The following ERC2 variants were observed in gnomAD, a reference collection of about 807,000 sequenced individuals.
The protein encoded by ERC2 is ERC protein 2.
A neutral mutation model predicts 114.8 loss-of-function variants in ERC2; 42 were observed. The observed-to-expected ratio is 0.37, with a 90% CI of 0.29 to 0.47. The LOEUF is 0.47. Ranked by LOEUF, ERC2 falls within the 20% of genes least tolerant of loss-of-function variation. The probability of loss-of-function intolerance (pLI) is 0.99; values close to 1 mark genes in which losing one functional copy is unlikely to be tolerated. For missense variants in ERC2, 939 were observed against 1,150.7 expected, an observed-to-expected ratio of 0.82 and a Z score of 2.66; for synonymous variants, 454 against 425.5, an observed-to-expected ratio of 1.07 and a Z score of -0.82.
chr3:55,995,195 T>C (rs1005538694), intron 10 of ERC2, among the ~76,000 whole-genome samples: 1 of 152,116 alleles, frequency 6.6e-6, no homozygotes, highest in African/African-American at 2.4e-5. Flanking sequence ...TAACTGGGCA[T>C]TGAGGCACAC....
chr3:56,099,352 T>C (rs984308640), intron 6 of ERC2, among the ~76,000 whole-genome samples: 4 of 152,244 alleles, frequency 2.6e-5, no homozygotes, highest in Non-Finnish European at 2.9e-5. Flanking sequence ...AGAAAACTTA[T>C]ACAGTATCCC....
intron 1 of ERC2, among the ~76,000 whole-genome samples, chr3:56,437,141 C>G (rs2062058573): frequency 6.6e-6 from 1 of 152,190 alleles, no homozygotes. Flanking sequence ...ACGCCTTAAG[C>G]AACACATGTG....
intron 3 of ERC2, among the ~76,000 whole-genome samples, chr3:56,193,750 C>T (rs1227860193): frequency 1.3e-5 from 2 of 151,960 alleles, no homozygotes; most frequent in South Asian, 2.1e-4. Flanking sequence ...AACCTGAGGC[C>T]CAGAGAGGTT....
chr3:56,418,159 A>C (rs1473722010), intron 2 of ERC2, among the ~76,000 whole-genome samples: 2 of 152,014 alleles, frequency 1.3e-5, no homozygotes, highest in African/African-American at 2.4e-5. Context: ...TTAGGTGAGC[A>C]TGTTGGTACA....
chr3:55,800,768 A>G (rs1175580322), intron 14 of ERC2, among the ~76,000 whole-genome samples: 2 of 152,144 alleles, frequency 1.3e-5, no homozygotes, highest in Non-Finnish European at 2.9e-5. Context: ...TACAAATGGC[A>G]GCAGAGAGCT....
At chr3:55,576,834 G>T (rs753445314) in intron 17 of ERC2, among the ~76,000 whole-genome samples, 114 of 152,234 alleles carry the variant, frequency 7.5e-4, no homozygotes, top group African/African-American at 2.7e-3. Context: ...CAGTCACACC[G>T]CATCGTGCGA....
chr3:55,836,800 G>C (rs1436553702), intron 14 of ERC2, among the ~76,000 whole-genome samples: 49 of 152,178 alleles, frequency 3.2e-4, no homozygotes, highest in Admixed American at 6.6e-4. Context: ...AAGAAACTAC[G>C]ATGAGAGTGA....
intron 15 of ERC2, among the ~76,000 whole-genome samples, chr3:55,699,893 T>C (rs1186791739): frequency 6.6e-6 from 1 of 152,154 alleles, no homozygotes; most frequent in Non-Finnish European, 1.5e-5. Flanking sequence ...AAGCTGGAGA[T>C]GGAAGTCCTG....
At chr3:56,213,624 C>A (rs1164045401) in intron 3 of ERC2, among the ~76,000 whole-genome samples, 1 of 152,222 alleles carries the variant, frequency 6.6e-6, no homozygotes, top group Non-Finnish European at 1.5e-5. Context: ...GCACAAACCT[C>A]TGCAGACTTA....
chr3:56,176,884 C>A (rs1054429595), intron 3 of ERC2, among the ~76,000 whole-genome samples: 7 of 152,160 alleles, frequency 4.6e-5, no homozygotes, highest in Admixed American at 4.6e-4. Context: ...TTATTTCTGT[C>A]CAGTGGAATG....
intron 3 of ERC2, among the ~76,000 whole-genome samples, chr3:56,252,757 C>CAAAAAAAAAAAAAAAAAAAAAAAAA (rs71099628): frequency 1.3e-5 from 1 of 74,194 alleles, no homozygotes; most frequent in African/African-American, 5.7e-5. Context: ...AACTCTGTCT[C>CAAAAAAAAAAAAAAAAAAAAAAAAA]AAAAAAAAAA....
At chr3:55,792,593 TA>T (rs1559662272) in intron 14 of ERC2, among the ~76,000 whole-genome samples, 2 of 152,218 alleles carry the variant, frequency 1.3e-5, no homozygotes, top group African/African-American at 4.8e-5. Flanking sequence ...CTATGGAATG[TA>T]GCAATGAAAT....
chr3:55,614,998 A>G (rs1465144653), intron 17 of ERC2, among the ~76,000 whole-genome samples: 3 of 152,260 alleles, frequency 2.0e-5, no homozygotes, highest in African/African-American at 7.2e-5. Context: ...TAGGAACCAT[A>G]AAACTATTTT....
At chr3:55,978,844 A>C (rs1482811617) in intron 12 of ERC2, among the ~76,000 whole-genome samples, 1 of 152,246 alleles carries the variant, frequency 6.6e-6, no homozygotes, top group Non-Finnish European at 1.5e-5. Flanking sequence ...ACTGTGAATG[A>C]AATATTAATA....
chr3:55,831,735 T>C (rs537113427), intron 14 of ERC2, among the ~76,000 whole-genome samples: 10 of 152,176 alleles, frequency 6.6e-5, no homozygotes, highest in African/African-American at 1.9e-4. Context: ...TTCATCCCAC[T>C]AGGGCCAGAG....
intron 17 of ERC2, among the ~76,000 whole-genome samples, chr3:55,682,057 C>T (rs1247681116): frequency 6.6e-6 from 1 of 152,232 alleles, no homozygotes; most frequent in East Asian, 1.9e-4. Flanking sequence ...CCTACCTCTT[C>T]CATGCATGTT....
intron 11 of ERC2, among the ~76,000 whole-genome samples, chr3:55,986,380 A>G (rs2070635700): frequency 6.6e-6 from 1 of 152,248 alleles, no homozygotes; most frequent in African/African-American, 2.4e-5. Context: ...TGAAATGGAA[A>G]CTACTAAGGT....
At chr3:56,097,205 T>C (rs2078109520) in intron 6 of ERC2, among the ~76,000 whole-genome samples, 1 of 152,140 alleles carries the variant, frequency 6.6e-6, no homozygotes, top group South Asian at 2.1e-4. Flanking sequence ...CTTGGAAGCA[T>C]TTTCATACTA....
intron 1 of ERC2, among the ~76,000 whole-genome samples, chr3:56,451,927 A>G (rs984234798): frequency 1.3e-5 from 2 of 152,152 alleles, no homozygotes; most frequent in African/African-American, 2.4e-5. Context: ...CCTTTCTGGG[A>G]GTGATAGAGT....
Sources: allele counts gnomAD v4.1 joint callset (sites outside exome capture counted in the v4.1 genomes callset), GRCh38; gene constraint gnomAD v4.1.1; transcripts MANE v1.5; gene names NCBI Gene and HGNC (gene_info 2026-07-23, HGNC 2026-07-21).